The following ODAD2 variants were observed in gnomAD, a reference collection of about 807,000 sequenced individuals.
The protein encoded by ODAD2 is outer dynein arm-docking complex subunit 2.
In ODAD2, 89 loss-of-function variants were observed where a neutral mutation model predicts 106.8. The ratio of observed to expected loss-of-function variants is 0.83; its 90% CI spans 0.70 to 0.99. The LOEUF (loss-of-function observed/expected upper bound fraction) is 0.99, where lower values mean the gene tolerates loss of function less well. ODAD2 is among the 50% of genes least tolerant of loss of function. ODAD2 has a pLI of 0.00. For missense variants in ODAD2, 1,168 were observed against 1,238.5 expected (o/e 0.94, Z 0.85); for synonymous variants, 404 against 436.2 (o/e 0.93, Z 0.92).
In ODAD2 at chr10:27,983,994, C is replaced by T. The variant is rs778697231; in HGVS notation, c.683-15G>A. The T allele has an allele frequency of 5.6e-6, 9 of 1,604,770 alleles. No individual in the cohort carries two copies. The South Asian group carries it at 1.0e-4, about 18-fold the overall frequency. ...AAATTCATAATCTGAAACCAATCAT[C>T]AAGCAATTAACAGGAGTTCCTTAAC... On this transcript the variant is annotated splice_polypyrimidine_tract_variant and intron_variant, in intron 5 of 19. Transcript: ENST00000305242.
rs200311436 is a variant in ODAD2 at position 27,935,265 on chromosome 10, T to A, written c.2253-13A>T. On this transcript the variant is annotated splice_polypyrimidine_tract_variant and intron_variant, in intron 15 of 19. Coordinates refer to ENST00000305242, the MANE Select transcript of ODAD2 (RefSeq NM_018076.5). Reference sequence around the variant, plus strand: ...GTATTCCCGAAACCTAAGTTCATCATAAGAAAGAGGAGAATTGGTTTTTGT... The same window carrying A: ...GTATTCCCGAAACCTAAGTTCATCAAAAGAAAGAGGAGAATTGGTTTTTGT... 103 of 1,612,864 alleles carry A rather than the reference T, an allele frequency of 6.4e-5. No homozygotes were observed. The African/African-American group carries it at 1.3e-3, about 20-fold the overall frequency.
At chr10:27,959,099 G>T in intron 10 of ODAD2, 2 of 950,460 alleles carry the variant, frequency 2.1e-6, no homozygotes, top group Non-Finnish European at 1.4e-6. Context: ...CACTTTGGGA[G>T]GCCAATGTAG....
At chr10:27,945,623 T>C (rs1236726538) in intron 10 of ODAD2, among the ~76,000 whole-genome samples, 3 of 152,070 alleles carry the variant, frequency 2.0e-5, no homozygotes, top group Non-Finnish European at 4.4e-5. Flanking sequence ...AGTAGTGAGA[T>C]GCTCCTTCAG....
intron 8 of ODAD2, among the ~76,000 whole-genome samples, chr10:27,970,573 T>C (rs1160909343): frequency 2.0e-5 from 3 of 152,314 alleles, no homozygotes; most frequent in Admixed American, 6.5e-5. Flanking sequence ...ATAAACTCTA[T>C]CAAATCTTTC....
At chr10:27,947,591 T>TC (rs1421318206) in intron 10 of ODAD2, among the ~76,000 whole-genome samples, 2 of 152,184 alleles carry the variant, frequency 1.3e-5, no homozygotes, top group South Asian at 2.1e-4. Context: ...GCTCTTTTTT[T>TC]CTCTGAATTT....
At position 27,984,103 on chromosome 10, in the gene ODAD2, T is replaced by C. The variant is rs1231415864; in HGVS notation, c.682+81A>G. On this transcript the variant is annotated intron_variant, in intron 5 of 19. Transcript: ENST00000305242. ...TTTCCCCTTCTTAAACCTTCTCTTG[T>C]AATGTAGACATTGAAAGCATTTTGC... is the stretch of plus-strand genomic sequence containing the variant. 2.0e-6 allele frequency: 3 copies of C among 1,481,508 alleles called. No individual in the cohort carries two copies. In the Admixed American group the frequency reaches 5.5e-5, roughly 27 times the overall value. 91.8% of individuals were successfully genotyped at this position (1,481,508 alleles called of 1,614,324 possible).
chr10:27,970,134 A>AAATAAATGAATAAATAAATG (rs78642722), intron 8 of ODAD2, among the ~76,000 whole-genome samples: 1 of 147,260 alleles, frequency 6.8e-6, no homozygotes, highest in Non-Finnish European at 1.5e-5. Context: ...ATAAATAAAT[A>AAATAAATGAATAAATAAATG]AATAAATAAA....
intron 19 of ODAD2, among the ~76,000 whole-genome samples, chr10:27,826,411 ATCAACT>A (rs1475324615): frequency 6.6e-6 from 1 of 151,958 alleles, no homozygotes; most frequent in Non-Finnish European, 1.5e-5. Flanking sequence ...TGTCTCTCTC[ATCAACT>A]TTCTCCACAG....
At chr10:27,931,427 A>C (rs762790704) in intron 16 of ODAD2, among the ~76,000 whole-genome samples, 96 of 152,032 alleles carry the variant, frequency 6.3e-4, no homozygotes, top group Non-Finnish European at 1.2e-3. Context: ...ATTACTAATA[A>C]ATGTTTACTG....
intron 13 of ODAD2, 40 bp from the exon 14 acceptor site, chr10:27,940,047 G>A: frequency 1.5e-6 from 2 of 1,343,746 alleles, no homozygotes; most frequent in South Asian, 2.6e-5. Context: ...TTCAAGACGT[G>A]AATATAAGTA....
intron 7 of ODAD2, among the ~76,000 whole-genome samples, chr10:27,976,562 G>C (rs1849201343): frequency 6.6e-6 from 1 of 152,120 alleles, no homozygotes; most frequent in Non-Finnish European, 1.5e-5. Flanking sequence ...CCTGTATATT[G>C]AAAGCTACAA....
Position 27,977,122 on chromosome 10 carries a change from T to C in ODAD2, c.936+4344A>G, listed in dbSNP as rs111645378. ...ATAGATATAGATTGGAAAGGTAAAA[T>C]TGAAAAATCTCTAGAAGAAAACATT... On this transcript the variant is annotated intron_variant, in intron 7 of 19. Transcript: ENST00000305242. Among the ~76,000 whole-genome samples the C allele has an allele frequency of 5.6e-3, 851 of 152,124 alleles. 12 individuals carry two copies. The highest frequency in any genetic ancestry group is 0.019 in the African/African-American group (784 of 41,516).
chr10:27,940,731 T>G lies in ODAD2; in HGVS notation c.1818A>C (p.Glu606Asp). 1 of 1,614,136 alleles carries G rather than the reference T, an allele frequency of 6.2e-7. No individual in the cohort carries two copies. The highest frequency in any genetic ancestry group is 8.5e-7 in the Non-Finnish European group (1 of 1,179,994). Residue 606 changes from glutamate to aspartate, a missense_variant, in exon 13 of 20, where the codon GAA (glutamate) becomes GAC (aspartate). By Grantham distance (45) the Glu-to-Asp change is conservative. Coordinates refer to ENST00000305242, the MANE Select transcript of ODAD2 (RefSeq NM_018076.5). The part of the protein sequence containing the change: ...QSSLYEARDV[E>D]VARCGALALW... ...GGGCCAGTGCCCCACAGCGAGCCACTTCCACGTCTCTGGCCTCATACAGAC... is the reference window on the plus strand; with the variant it reads ...GGGCCAGTGCCCCACAGCGAGCCACGTCCACGTCTCTGGCCTCATACAGAC...
Position 27,959,291 on chromosome 10 carries a change from G to C in ODAD2, c.1386+2277C>G, listed in dbSNP as rs1847954183. Among the ~76,000 whole-genome samples the C allele has an allele frequency of 2.6e-5, 4 of 151,286 alleles. No individual in the cohort carries two copies. The South Asian group carries it at 8.4e-4, about 32-fold the overall frequency. The stretch of plus-strand genomic sequence containing the variant: ...AAGGAAAGGAAAGGGAAGGAAGAAA[G>C]GAAGGCAGGCTAAGCCCCAATGGCC... On this transcript the variant is annotated intron_variant, in intron 10 of 19. Coordinates refer to ENST00000305242, the MANE Select transcript of ODAD2 (RefSeq NM_018076.5).
chr10:27,879,487 A>G (rs553870331), intron 17 of ODAD2, among the ~76,000 whole-genome samples: 21 of 152,008 alleles, frequency 1.4e-4, no homozygotes, highest in African/African-American at 4.8e-4. Context: ...TTTCCTGCTT[A>G]TACTCAGTAA....
chr10:27,960,608 C>T (rs1469631293), intron 10 of ODAD2, among the ~76,000 whole-genome samples: 11 of 152,042 alleles, frequency 7.2e-5, no homozygotes, highest in African/African-American at 2.2e-4. Flanking sequence ...CCTCGGCCTC[C>T]CAAAGTGCTG....
chr10:27,951,269 CA>C (rs1847308290), intron 10 of ODAD2, among the ~76,000 whole-genome samples: 1 of 152,146 alleles, frequency 6.6e-6, no homozygotes, highest in African/African-American at 2.4e-5. Flanking sequence ...ATTTTCAACT[CA>C]TTCTAAAGAT....
chr10:27,999,314 T>G (rs1392879483), upstream of ODAD2, among the ~76,000 whole-genome samples: 1 of 152,058 alleles, frequency 6.6e-6, no homozygotes, highest in Non-Finnish European at 1.5e-5. Context: ...CAGAAAATAT[T>G]CCTTAGAAAC....
Position 27,984,299 on chromosome 10 carries a change from A to C in ODAD2, c.576-9T>G. ...GACTTAAACTTATTTCTCTGAAATAAATGTTTAAAATGTCAGCTTAAATAC... is the reference window on the plus strand; with the variant it reads ...GACTTAAACTTATTTCTCTGAAATACATGTTTAAAATGTCAGCTTAAATAC... On this transcript the variant is annotated splice_polypyrimidine_tract_variant and intron_variant, in intron 4 of 19. Transcript: ENST00000305242. The C allele has an allele frequency of 1.9e-6, 3 of 1,551,738 alleles. No homozygotes were observed. Among genetic ancestry groups the C allele is most frequent in the Non-Finnish European group, 2.7e-6 (3 of 1,123,996 alleles).
Sources: gnomAD v4.1 joint callset for allele counts (sites outside exome capture counted in the v4.1 genomes callset) on GRCh38, gnomAD v4.1.1 for gene constraint, MANE v1.5 for transcripts, NCBI Gene and HGNC (gene_info 2026-07-23, HGNC 2026-07-21) for gene names.